Variants in FOCAD observed in about 807,000 individuals in gnomAD.
FOCAD encodes the protein focadhesin.
A neutral mutation model predicts 225.6 loss-of-function variants in FOCAD; 198 were observed. The ratio of observed to expected loss-of-function variants is 0.88; its 90% CI spans 0.78 to 0.99. FOCAD has a LOEUF of 0.99. Among genes scored for constraint, FOCAD ranks in the 50% least tolerant of loss-of-function variants. The probability of loss-of-function intolerance (pLI) is 0.00; values close to 1 mark genes in which losing one functional copy is unlikely to be tolerated. For synonymous variants in FOCAD, 897 were observed against 755.0 expected (o/e 1.19, Z -3.08); for missense variants, 2,713 against 2,123.6 (o/e 1.28, Z -5.46).
intron 21 of FOCAD, among the ~76,000 whole-genome samples, chr9:20,901,191 AATGTGT>A (rs149435495): frequency 0.27 from 36,063 of 132,258 alleles, 4,445 homozygotes; most frequent in Admixed American, 0.34. Flanking sequence ...ATGTGGAAAC[AATGTGT>A]GTGTGTGTGT....
chr9:20,748,080 A>G (rs964519992), intron 5 of FOCAD, among the ~76,000 whole-genome samples: 3 of 151,996 alleles, frequency 2.0e-5, no homozygotes, highest in Admixed American at 6.6e-5. Flanking sequence ...CATTACTTGA[A>G]TATATTACCT....
chr9:20,813,062 T>C (rs1163643030), intron 11 of FOCAD, among the ~76,000 whole-genome samples: 2 of 152,128 alleles, frequency 1.3e-5, no homozygotes, highest in African/African-American at 4.8e-5. Context: ...CCATTCTACT[T>C]TCTGCTCTAA....
At chr9:20,907,313 A>G (rs1332136673) in intron 22 of FOCAD, 71 bp downstream of exon 22, 2 of 1,283,562 alleles carry the variant, frequency 1.6e-6, no homozygotes, top group Non-Finnish European at 2.2e-6. Flanking sequence ...ACAAATGTGT[A>G]TTTAATATAA....
chr9:20,771,258 C>G (rs746434098), intron 8 of FOCAD, among the ~76,000 whole-genome samples: 1 of 152,188 alleles, frequency 6.6e-6, no homozygotes, highest in Non-Finnish European at 1.5e-5. Flanking sequence ...GGCTTGTCTT[C>G]CATGCCACAC....
intron 8 of FOCAD, among the ~76,000 whole-genome samples, chr9:20,774,259 G>C (rs1198300107): frequency 2.0e-5 from 3 of 152,220 alleles, no homozygotes; most frequent in Non-Finnish European, 2.9e-5. Flanking sequence ...CTAAAGGCTT[G>C]ACTGGGTTCA....
At chr9:20,753,356 G>A (rs868394402) in intron 5 of FOCAD, among the ~76,000 whole-genome samples, 2 of 151,818 alleles carry the variant, frequency 1.3e-5, no homozygotes, top group African/African-American at 4.8e-5. Context: ...TTTATTGAGA[G>A]TTTTTAGCAT....
chr9:20,694,047 T>G (rs748528992), intron 1 of FOCAD, among the ~76,000 whole-genome samples: 1 of 152,196 alleles, frequency 6.6e-6, no homozygotes, highest in Non-Finnish European at 1.5e-5. Context: ...CTAGACCAAG[T>G]ATTCTTCCAC....
At chr9:20,886,565 G>A (rs1481953147) in intron 21 of FOCAD, among the ~76,000 whole-genome samples, 4 of 152,196 alleles carry the variant, frequency 2.6e-5, no homozygotes, top group Non-Finnish European at 5.9e-5. Flanking sequence ...AAGTTATGAG[G>A]TGTGTCCGAG....
chr9:20,720,168 G>A (rs1445065844), intron 3 of FOCAD, among the ~76,000 whole-genome samples: 1 of 152,162 alleles, frequency 6.6e-6, no homozygotes, highest in East Asian at 1.9e-4. Flanking sequence ...ATGATACCAG[G>A]TGAGAGAGAG....
intron 15 of FOCAD, among the ~76,000 whole-genome samples, chr9:20,849,593 A>C (rs1827451363): frequency 6.6e-6 from 1 of 151,866 alleles, no homozygotes; most frequent in Non-Finnish European, 1.5e-5. Context: ...TACTCTCAAG[A>C]GATTTGGGTC....
intron 38 of FOCAD, among the ~76,000 whole-genome samples, chr9:20,982,126 T>A (rs1261161285): frequency 1.3e-5 from 2 of 152,120 alleles, no homozygotes; most frequent in Non-Finnish European, 2.9e-5. Context: ...GATGAAGGAA[T>A]TTTGATAAGG....
At chr9:20,664,383 G>T (rs1821832627) in intron 2 of FOCAD, among the ~76,000 whole-genome samples, 2 of 150,218 alleles carry the variant, frequency 1.3e-5, no homozygotes, top group Non-Finnish European at 3.0e-5. Flanking sequence ...TCTATTTAAT[G>T]GTTCAACAAA....
chr9:20,708,357 T>G (rs906980901), intron 1 of FOCAD, among the ~76,000 whole-genome samples: 2 of 152,136 alleles, frequency 1.3e-5, no homozygotes, highest in African/African-American at 4.8e-5. Flanking sequence ...AAAAGAAAAG[T>G]CCTGGATTTT....
At position 20,720,520 on chromosome 9, in the gene FOCAD, G is replaced by C. The variant is rs768127571; in HGVS notation, c.273G>C (p.Leu91Phe). 6.2e-7 allele frequency: 1 copy of C among 1,613,862 alleles called. No individual in the cohort carries two copies. The highest frequency in any genetic ancestry group is 8.5e-7 in the Non-Finnish European group (1 of 1,179,906). ...FSYVLNGILN[L>F]IPSTRNTHGL... ...ATGTTCTCAATGGGATACTCAACTT[G>C]ATTCCATCAACCAGGTACTTTTTCC... The change falls in exon 4 of 44, where the codon TTG becomes TTC. Residue 91 changes from leucine (L) to phenylalanine (F), a missense_variant. Leu to Phe is a conservative substitution (Grantham distance 22). Coordinates refer to ENST00000338382, the MANE Select transcript of FOCAD (RefSeq NM_001375567.1).
chr9:20,820,726 C>T (rs1824232336), intron 13 of FOCAD, among the ~76,000 whole-genome samples: 1 of 152,034 alleles, frequency 6.6e-6, no homozygotes, highest in Non-Finnish European at 1.5e-5. Flanking sequence ...TGAGATTTAG[C>T]CACTTTCTTC....
At chr9:20,774,901 CA>C (rs552803294) in intron 8 of FOCAD, among the ~76,000 whole-genome samples, 38 of 152,124 alleles carry the variant, frequency 2.5e-4, no homozygotes, top group Non-Finnish European at 3.2e-4. Flanking sequence ...TTCTGTCCCC[CA>C]TCCCCATCTT....
Position 20,981,574 on chromosome 9 carries a change from C to T in FOCAD, c.4526C>T (p.Ala1509Val). ...GGAAGTCCTGAGCTATGCCCAAGTG[C>T]TTTACACGGTCTGAGCCAGGCCATG... ...PLGSPELCPS[A>V]LHGLSQAMKL... The change falls in exon 38 of 44, where the codon GCT (alanine) becomes GTT (valine). Residue 1509 changes from alanine (A) to valine (V), a missense_variant. Transcript: ENST00000338382. The T allele has an allele frequency of 6.2e-7, 1 of 1,614,046 alleles. No individual in the cohort carries two copies. Among genetic ancestry groups the T allele is most frequent in the Non-Finnish European group, 8.5e-7 (1 of 1,179,976 alleles).
At chr9:20,966,158 TAGG>T (rs1317500621) in intron 35 of FOCAD, among the ~76,000 whole-genome samples, 1 of 152,156 alleles carries the variant, frequency 6.6e-6, no homozygotes, top group Admixed American at 6.5e-5. Context: ...GCAAGCAATA[TAGG>T]AGGGTTCCAA....
At chr9:20,861,711 ATG>A (rs1828788314) in intron 15 of FOCAD, among the ~76,000 whole-genome samples, 1 of 152,176 alleles carries the variant, frequency 6.6e-6, no homozygotes. Context: ...GATAAATTGT[ATG>A]TGTTAATTAC....
Sources: allele counts gnomAD v4.1 joint callset (sites outside exome capture counted in the v4.1 genomes callset), GRCh38; gene constraint gnomAD v4.1.1; transcripts MANE v1.5; gene names NCBI Gene and HGNC (gene_info 2026-07-23, HGNC 2026-07-21).